The following LAS1L variants were observed in gnomAD, a reference collection of about 807,000 sequenced individuals.
The protein encoded by LAS1L is LAS1 like ribosome biogenesis factor.
In LAS1L, 5 loss-of-function variants were observed where a neutral mutation model predicts 57.3. That is an observed-to-expected ratio of 0.09 (90% CI 0.05 to 0.18). LAS1L has a LOEUF of 0.18. Among genes scored for constraint, LAS1L ranks in the 10% least tolerant of loss-of-function variants. The pLI is 1.00. For synonymous variants in LAS1L, 245 were observed against 231.7 expected (o/e 1.06, Z -0.52); for missense variants, 360 against 568.3 (o/e 0.63, Z 3.73).
chrX:65,533,875 G>A (rs929155256), intron 1 of LAS1L, 140 bp from the exon 2 acceptor site: 25 of 632,876 alleles, frequency 4.0e-5, no homozygotes, highest in African/African-American at 6.6e-5. Flanking sequence ...AAGAAGGTGG[G>A]AGGAGACACG....
chrX:65,514,729 C>T (rs1247895400), intron 13 of LAS1L, 94 bp downstream of exon 13: 5 of 897,649 alleles, frequency 5.6e-6, no homozygotes, highest in Non-Finnish European at 7.5e-6. Flanking sequence ...TGACTGGGGA[C>T]AGCTACCTCC....
chrX:65,534,149 C>T (rs190025354), intron 1 of LAS1L, among the ~76,000 whole-genome samples: 1 of 112,138 alleles, frequency 8.9e-6, no homozygotes, highest in East Asian at 2.8e-4. Context: ...GAAATCTACC[C>T]TAGGGTACTA....
At position 65,518,436 on chromosome X, in the gene LAS1L, G is replaced by T; in HGVS notation, c.1478C>A (p.Pro493Gln). The T allele has an allele frequency of 8.3e-7, 1 of 1,207,173 alleles. No individual in the cohort carries two copies. ...IIFKAMGQGL[P>Q]DEEQEKLLRI... ...CAGCAGCTTCTCCTGCTCCTCGTCTGGCAGGCCCTGCCCCATGGCTTTGAA... is the reference window on the plus strand; with the variant it reads ...CAGCAGCTTCTCCTGCTCCTCGTCTTGCAGGCCCTGCCCCATGGCTTTGAA... Residue 493 changes from proline (P) to glutamine (Q), a missense_variant, in exon 12 of 14, where the codon CCA becomes CAA. Transcript: ENST00000374811.
chrX:65,529,577 C>A lies in LAS1L; in HGVS notation c.799+17G>T. On this transcript the variant is annotated intron_variant, in intron 5 of 13. Coordinates refer to ENST00000374811, the MANE Select transcript of LAS1L (RefSeq NM_031206.7). Reference sequence around the variant, plus strand: ...TTCTGGGCTCATGGGCCGCTTTCTGCCCTCCAAAACACCTACCATATAGCT... The same window carrying A: ...TTCTGGGCTCATGGGCCGCTTTCTGACCTCCAAAACACCTACCATATAGCT... The A allele has an allele frequency of 9.1e-6, 11 of 1,203,158 alleles. No individual in the cohort carries two copies. Among genetic ancestry groups the A allele is most frequent in the Non-Finnish European group, 1.2e-5 (11 of 890,410 alleles).
chrX:65,528,481 G>T, intron 6 of LAS1L, 112 bp from the exon 7 acceptor site: 1 of 444,188 alleles, frequency 2.3e-6, no homozygotes, highest in Non-Finnish European at 3.9e-6. Context: ...AGGGGACAGG[G>T]CAGGGCATGC....
In LAS1L at chrX:65,529,725, G is replaced by A; in HGVS notation, c.668C>T (p.Thr223Ile). 8.3e-7 allele frequency: 1 copy of A among 1,211,600 alleles called. No homozygotes were observed. Among genetic ancestry groups the A allele is most frequent in the South Asian group, 1.8e-5 (1 of 56,986 alleles). The change falls in exon 5 of 14, where the codon ACA (threonine) becomes ATA (isoleucine). Residue 223 changes from threonine to isoleucine, a missense_variant. Physicochemically the swap from Thr to Ile is moderately conservative, Grantham distance 89. This residue lies in a region of LAS1L where 51 missense variants were observed against 43.1 expected (regional missense o/e 1.18). Coordinates refer to ENST00000374811, the MANE Select transcript of LAS1L (RefSeq NM_031206.7). ...ATCCTGAGGCTCTGGTTTCTGTTCT[G>A]TGATGTCATCAACAACAATGTTCTT... is the stretch of plus-strand genomic sequence containing the variant. ...EDKNIVVDDI[T>I]EQKPEPQDDG...
At chrX:65,528,205 G>A in intron 7 of LAS1L, 55 bp downstream of exon 7, 1 of 767,656 alleles carries the variant, frequency 1.3e-6, no homozygotes, top group East Asian at 3.4e-5. Flanking sequence ...ATTTCAATGA[G>A]GCTGCTACCC....
Position 65,528,256 on chromosome X carries a change from A to T in LAS1L, c.956+4T>A, listed in dbSNP as rs2069274654. 3.5e-6 allele frequency: 4 copies of T among 1,150,014 alleles called. No homozygotes were observed. Among genetic ancestry groups the T allele is most frequent in the Non-Finnish European group, 4.7e-6 (4 of 842,821 alleles). 94.8% of individuals were successfully genotyped at this position (1,150,014 alleles called of 1,213,427 possible). A position where few individuals can be genotyped will look rare whatever the true frequency, so the allele number is the denominator to read the frequency against. On this transcript the variant is annotated splice_donor_region_variant and intron_variant, in intron 7 of 13. Coordinates refer to ENST00000374811, the MANE Select transcript of LAS1L (RefSeq NM_031206.7). ...ACGCAGCTCCCGGTTACCTAGTTAC[A>T]CACCTGTTCTCGCATGTAACGCCCT...
At position 65,512,830 on chromosome X, in the gene LAS1L, A is replaced by G; in HGVS notation, c.2150T>C (p.Leu717Pro). ...ATGCAGCTGCCCCTGGCTCCAGAGA[A>G]GGCCCTCGAAGTTGCTGCTGCTGCT... ...SNSSSSNFEG[L>P]LWSQGQLHGL... Residue 717 changes from leucine (L) to proline (P), a missense_variant, in exon 14 of 14, where the codon CTT (leucine) becomes CCT (proline). By Grantham distance (98) the Leu-to-Pro change is moderately conservative (BLOSUM62 -3). This residue lies in a region of LAS1L where 123 missense variants were observed against 168.3 expected (regional missense o/e 0.73). Coordinates refer to ENST00000374811, the MANE Select transcript of LAS1L (RefSeq NM_031206.7). The G allele has an allele frequency of 8.6e-7, 1 of 1,167,805 alleles. No homozygotes were observed. The highest frequency in any genetic ancestry group is 1.1e-6 in the Non-Finnish European group (1 of 873,003).
intron 10 of LAS1L, 98 bp downstream of exon 10, chrX:65,523,958 G>A: frequency 1.2e-6 from 1 of 860,669 alleles, no homozygotes. Flanking sequence ...AACACGGGAG[G>A]TGTTTGCCTG....
intron 12 of LAS1L, among the ~76,000 whole-genome samples, chrX:65,517,006 A>G (rs1394302780): frequency 1.8e-5 from 2 of 110,365 alleles, no homozygotes; most frequent in African/African-American, 6.6e-5. Context: ...CACAGACACC[A>G]CACTGTTCTG....
rs1452157152 is a variant in LAS1L, at chrX:65,527,460, G to A, written c.956+800C>T. ...GCTGAGGTGGGAGGATTTCTTGAGT[G>A]TGCGAGGTTGAGGCTGTAGTTAACT... is the stretch of plus-strand genomic sequence containing the variant. On this transcript the variant is annotated intron_variant, in intron 7 of 13. Transcript: ENST00000374811. Among the ~76,000 whole-genome samples the A allele has an allele frequency of 5.4e-5, 6 of 110,583 alleles. No homozygotes were observed. In the South Asian group the frequency reaches 1.5e-3, roughly 28 times the overall value.
intron 12 of LAS1L, among the ~76,000 whole-genome samples, chrX:65,516,087 C>CAAAGAATT (rs2068617731): frequency 9.0e-6 from 1 of 111,703 alleles, no homozygotes; most frequent in Admixed American, 9.5e-5. Flanking sequence ...TCTGCATCTC[C>CAAAGAATT]CTGGTACTCA....
chrX:65,532,553 A>G lies in LAS1L; in HGVS notation c.432+8T>C. ...CAGAATTGAGCAAGTTCACTGAATC[A>G]TACGCACCTCTTGAGCCAGACACTT... On this transcript the variant is annotated splice_region_variant and intron_variant, in intron 3 of 13. Coordinates refer to ENST00000374811, the MANE Select transcript of LAS1L (RefSeq NM_031206.7). The G allele has an allele frequency of 1.7e-6, 2 of 1,195,926 alleles. No homozygotes were observed. Among genetic ancestry groups the G allele is most frequent in the Non-Finnish European group, 2.3e-6 (2 of 880,898 alleles).
intron 11 of LAS1L, among the ~76,000 whole-genome samples, chrX:65,519,741 C>G (rs2068775574): frequency 9.0e-6 from 1 of 110,931 alleles, no homozygotes; most frequent in Non-Finnish European, 1.9e-5. Flanking sequence ...GGATGGTTCA[C>G]AGACGGGCCA....
At chrX:65,516,145 C>T (rs1301220314) in intron 12 of LAS1L, among the ~76,000 whole-genome samples, 1 of 111,608 alleles carries the variant, frequency 9.0e-6, no homozygotes, top group Non-Finnish European at 1.9e-5. Flanking sequence ...AATGTGTCAA[C>T]CCTGGACCAG....
At chrX:65,533,797 A>T in intron 1 of LAS1L, 62 bp from the exon 2 acceptor site, 1 of 1,142,553 alleles carries the variant, frequency 8.8e-7, no homozygotes, top group Non-Finnish European at 1.2e-6. Flanking sequence ...CCTCCACCTC[A>T]GAACCTAGGT....
intron 12 of LAS1L, 21 bp downstream of exon 12, chrX:65,517,966 T>C (rs1214487239): frequency 1.7e-6 from 2 of 1,164,666 alleles, no homozygotes; most frequent in African/African-American, 3.6e-5. Context: ...GAAGTCCATG[T>C]GGGGACAAAG....
At chrX:65,529,380 A>G (rs2069346708) in intron 5 of LAS1L, 122 bp from the exon 6 acceptor site, 3 of 703,797 alleles carry the variant, frequency 4.3e-6, no homozygotes, top group Non-Finnish European at 2.1e-6. Context: ...TCCTTCCCCA[A>G]CTACTTCACA....
Sources: allele counts gnomAD v4.1 joint callset (sites outside exome capture counted in the v4.1 genomes callset), GRCh38; gene constraint gnomAD v4.1.1; regional missense constraint gnomAD v4.1.1; transcripts MANE v1.5; gene names NCBI Gene and HGNC (gene_info 2026-07-23, HGNC 2026-07-21).